Variants in NALF1 observed in about 807,000 individuals in gnomAD.
NALF1 encodes the protein NALCN channel auxiliary factor 1, also known as family with sequence similarity 155 member A.
Under a neutral mutation model 48.4 loss-of-function variants are expected in NALF1, and 3 were observed. The observed-to-expected ratio is 0.06, with a 90% CI of 0.03 to 0.16. The LOEUF (loss-of-function observed/expected upper bound fraction) is 0.16. Among genes scored for constraint, NALF1 ranks in the 10% least tolerant of loss-of-function variants. The pLI is 1.00. For synonymous variants in NALF1, 262 were observed against 245.7 expected (o/e 1.07, Z -0.62); for missense variants, 526 against 571.5 (o/e 0.92, Z 0.81).
At chr13:107,623,616 C>T (rs1879591235) in intron 1 of NALF1, among the ~76,000 whole-genome samples, 2 of 152,170 alleles carry the variant, frequency 1.3e-5, no homozygotes, top group East Asian at 3.9e-4. Flanking sequence ...AGTTGAAGGG[C>T]ATTGCCCAAA....
chr13:107,346,038 G>C (rs1346584023), intron 1 of NALF1, among the ~76,000 whole-genome samples: 2 of 152,134 alleles, frequency 1.3e-5, no homozygotes, highest in African/African-American at 4.8e-5. Flanking sequence ...CCATGGAAAT[G>C]CAAGTCAAAA....
At chr13:107,627,384 G>A (rs1196484134) in intron 1 of NALF1, among the ~76,000 whole-genome samples, 4 of 151,974 alleles carry the variant, frequency 2.6e-5, no homozygotes, top group South Asian at 2.1e-4. Context: ...TTCTCCTTAC[G>A]ATTATTATTA....
intron 1 of NALF1, among the ~76,000 whole-genome samples, chr13:107,853,086 C>G (rs1184649462): frequency 6.6e-6 from 1 of 152,142 alleles, no homozygotes; most frequent in African/African-American, 2.4e-5. Context: ...TAAAATTATT[C>G]TACTCTAGTC....
At chr13:107,820,063 TTG>T (rs1879321588) in intron 1 of NALF1, among the ~76,000 whole-genome samples, 1 of 152,198 alleles carries the variant, frequency 6.6e-6, no homozygotes, top group South Asian at 2.1e-4. Flanking sequence ...AGCCCATTTC[TTG>T]TGACCCAGGA....
intron 1 of NALF1, among the ~76,000 whole-genome samples, chr13:107,289,489 T>C (rs938536369): frequency 6.6e-6 from 1 of 152,192 alleles, no homozygotes; most frequent in Non-Finnish European, 1.5e-5. Flanking sequence ...TGTAAGTAAG[T>C]AATATATTAC....
chr13:107,690,141 T>G (rs1881533646), intron 1 of NALF1, among the ~76,000 whole-genome samples: 1 of 152,184 alleles, frequency 6.6e-6, no homozygotes, highest in African/African-American at 2.4e-5. Context: ...AAGAGAAGAA[T>G]TAGAGAACTG....
intron 1 of NALF1, among the ~76,000 whole-genome samples, chr13:107,664,378 A>G (rs960489222): frequency 6.6e-6 from 1 of 152,040 alleles, no homozygotes; most frequent in Non-Finnish European, 1.5e-5. Flanking sequence ...CTCCTAACTG[A>G]TCTCTACTGA....
intron 1 of NALF1, among the ~76,000 whole-genome samples, chr13:107,733,506 G>GT (rs1282395609): frequency 6.6e-6 from 1 of 152,146 alleles, no homozygotes; most frequent in African/African-American, 2.4e-5. Context: ...TACAACAGTA[G>GT]TTTTTAATCT....
chr13:107,375,943 CAT>C (rs1168025956), intron 1 of NALF1, among the ~76,000 whole-genome samples: 71 of 151,804 alleles, frequency 4.7e-4, no homozygotes, highest in African/African-American at 1.4e-3. Flanking sequence ...CACACACACA[CAT>C]ACACACACAC....
At chr13:107,805,806 C>T (rs1488352184) in intron 1 of NALF1, among the ~76,000 whole-genome samples, 1 of 152,082 alleles carries the variant, frequency 6.6e-6, no homozygotes, top group Non-Finnish European at 1.5e-5. Flanking sequence ...GAACTGGTAA[C>T]AATTCTCACT....
At chr13:107,708,777 T>C (rs1034523010) in intron 1 of NALF1, among the ~76,000 whole-genome samples, 1 of 152,158 alleles carries the variant, frequency 6.6e-6, no homozygotes, top group Non-Finnish European at 1.5e-5. Flanking sequence ...ATGTGCAAGT[T>C]TGTTACATAG....
chr13:107,772,810 A>C (rs187035633), intron 1 of NALF1, among the ~76,000 whole-genome samples: 1 of 152,296 alleles, frequency 6.6e-6, no homozygotes, highest in East Asian at 1.9e-4. Flanking sequence ...CACTTATTAA[A>C]AATCTCTGAA....
At chr13:107,504,271 A>T (rs1162227864) in intron 1 of NALF1, among the ~76,000 whole-genome samples, 1 of 150,024 alleles carries the variant, frequency 6.7e-6, no homozygotes, top group Non-Finnish European at 1.5e-5. Context: ...AAAAAAAAAA[A>T]TCAAACTCTG....
chr13:107,781,478 ACT>A (rs1455433047), intron 1 of NALF1, among the ~76,000 whole-genome samples: 9 of 151,934 alleles, frequency 5.9e-5, no homozygotes, highest in African/African-American at 1.7e-4. Flanking sequence ...ACATATAAAT[ACT>A]CTGTCTCCTT....
At chr13:107,728,292 T>A (rs1184818235) in intron 1 of NALF1, among the ~76,000 whole-genome samples, 1 of 152,116 alleles carries the variant, frequency 6.6e-6, no homozygotes, top group Non-Finnish European at 1.5e-5. Flanking sequence ...CAAATGTCCA[T>A]CAATGATAGA....
In NALF1 at chr13:107,166,662, A is replaced by T. The variant is rs1878665539; in HGVS notation, c.*3835T>A. 1 of 152,118 alleles carries T rather than the reference A, an allele frequency of 6.6e-6. No homozygotes were observed. Among genetic ancestry groups the T allele is most frequent in the South Asian group, 2.1e-4 (1 of 4,822 alleles). 9.4% of individuals were successfully genotyped at this position (152,118 alleles called of 1,614,324 possible). A position where few individuals can be genotyped will look rare whatever the true frequency, so the allele number is the denominator to read the frequency against. On this transcript the variant is annotated 3_prime_UTR_variant, in exon 3 of 3. Coordinates refer to ENST00000375915, the MANE Select transcript of NALF1 (RefSeq NM_001080396.3). ...TATTTGGCACATGGGTCTGGCATCC[A>T]ATTGCTTATTTCATTTATGTTTTTT...
intron 1 of NALF1, among the ~76,000 whole-genome samples, chr13:107,710,217 C>T (rs1238622594): frequency 6.6e-6 from 1 of 151,602 alleles, no homozygotes; most frequent in African/African-American, 2.4e-5. Flanking sequence ...AAAGAAGCAC[C>T]AGTATCTATA....
At chr13:107,452,508 C>A (rs757547622) in intron 1 of NALF1, among the ~76,000 whole-genome samples, 2 of 152,156 alleles carry the variant, frequency 1.3e-5, no homozygotes, top group Non-Finnish European at 2.9e-5. Context: ...ATGAGAACAG[C>A]ATGAAGGTAA....
chr13:107,427,805 G>A (rs527319351), intron 1 of NALF1, among the ~76,000 whole-genome samples: 2 of 152,180 alleles, frequency 1.3e-5, no homozygotes, highest in Admixed American at 6.5e-5. Context: ...CTGGCTGAGT[G>A]TTTCCTTCAA....
Sources: gnomAD v4.1 joint callset for allele counts (sites outside exome capture counted in the v4.1 genomes callset) on GRCh38, gnomAD v4.1.1 for gene constraint, MANE v1.5 for transcripts, NCBI Gene and HGNC (gene_info 2026-07-23, HGNC 2026-07-21) for gene names.